The following CENPP variants were observed in gnomAD, a reference collection of about 807,000 sequenced individuals.
CENPP encodes the protein centromere protein P.
Under a neutral mutation model 35.6 loss-of-function variants are expected in CENPP, and 24 were observed. The ratio of observed to expected loss-of-function variants is 0.67; its 90% confidence interval spans 0.49 to 0.95. The LOEUF (loss-of-function observed/expected upper bound fraction) is 0.95. CENPP is among the 40% of genes least tolerant of loss of function. CENPP has a pLI of 0.00. For synonymous variants in CENPP, 120 were observed against 125.5 expected (o/e 0.96, Z 0.29); for missense variants, 332 against 345.3 (o/e 0.96, Z 0.31).
intron 5 of CENPP, among the ~76,000 whole-genome samples, chr9:92,605,645 A>G (rs1018049852): frequency 6.6e-6 from 1 of 152,196 alleles, no homozygotes; most frequent in Non-Finnish European, 1.5e-5. Flanking sequence ...ATAAAAATTA[A>G]CTCAAAATGG....
chr9:92,511,212 G>A (rs564221514), intron 5 of CENPP, among the ~76,000 whole-genome samples: 110 of 152,040 alleles, frequency 7.2e-4, no homozygotes, highest in African/African-American at 2.6e-3. Context: ...TGCAACCTCC[G>A]CCTCCCGAAT....
intron 5 of CENPP, among the ~76,000 whole-genome samples, chr9:92,548,960 G>A (rs972091824): frequency 6.6e-5 from 10 of 152,168 alleles, no homozygotes; most frequent in African/African-American, 2.4e-4. Flanking sequence ...GAAGAACAAG[G>A]CTATAAGACT....
chr9:92,532,162 G>A (rs1303453541), intron 5 of CENPP, among the ~76,000 whole-genome samples: 4 of 150,748 alleles, frequency 2.7e-5, no homozygotes, highest in South Asian at 4.2e-4. Context: ...CACCCGGCTC[G>A]AAGATACAAT....
intron 5 of CENPP, among the ~76,000 whole-genome samples, chr9:92,388,582 T>C (rs1456025646): frequency 6.6e-6 from 1 of 151,530 alleles, no homozygotes; most frequent in Non-Finnish European, 1.5e-5. Flanking sequence ...GGCTTACGCC[T>C]GTAATCCTAG....
chr9:92,578,069 A>G lies in CENPP; in HGVS notation c.565-33245A>G, dbSNP rs937097954. Among the ~76,000 whole-genome samples the G allele has an allele frequency of 3.3e-5, 5 of 151,458 alleles. No homozygotes were observed. The East Asian group carries it at 5.8e-4, about 18-fold the overall frequency. The stretch of plus-strand genomic sequence containing the variant: ...GCAGTGTTTGGTTTTTTGTTCTTGC[A>G]ATAGTTTACTGAGAATGATTATTTC... On this transcript the variant is annotated intron_variant, in intron 5 of 7. Coordinates refer to ENST00000375587, the MANE Select transcript of CENPP (RefSeq NM_001012267.3).
At chr9:92,592,712 G>C (rs910255322) in intron 5 of CENPP, among the ~76,000 whole-genome samples, 12 of 152,274 alleles carry the variant, frequency 7.9e-5, no homozygotes, top group East Asian at 1.9e-4. Context: ...AGCTGTACCA[G>C]TTCACACTCT....
intron 5 of CENPP, among the ~76,000 whole-genome samples, chr9:92,410,681 T>C (rs1262885669): frequency 6.6e-6 from 1 of 152,218 alleles, no homozygotes; most frequent in Non-Finnish European, 1.5e-5. Context: ...TACTCTGTTT[T>C]GTGTGCCAGG....
upstream of CENPP, chr9:92,325,709 C>T (rs932700258): frequency 2.7e-6 from 1 of 370,316 alleles, no homozygotes. Context: ...GGGTGAGCAG[C>T]GGAGCGCTTG....
intron 5 of CENPP, chr9:92,403,195 A>T: frequency 7.4e-7 from 1 of 1,358,070 alleles, no homozygotes; most frequent in Non-Finnish European, 1.0e-6. Context: ...TTAAATGGGC[A>T]GTATTTTAGA....
intron 5 of CENPP, among the ~76,000 whole-genome samples, chr9:92,585,420 A>G (rs573464329): frequency 1.3e-5 from 2 of 152,286 alleles, no homozygotes; most frequent in East Asian, 3.9e-4. Context: ...GTTGATGAGA[A>G]TTTGAGTGGT....
chr9:92,515,113 A>G, intron 5 of CENPP: 1 of 1,613,888 alleles, frequency 6.2e-7, no homozygotes, highest in Non-Finnish European at 8.5e-7. Flanking sequence ...TTGCTTATGA[A>G]GTAAATTGGT....
intron 5 of CENPP, chr9:92,523,022 A>G (rs1323830346): frequency 2.3e-6 from 2 of 862,166 alleles, no homozygotes; most frequent in African/African-American, 3.5e-5. Context: ...TATGGACTAT[A>G]TGCTATAGTA....
At position 92,524,318 on chromosome 9, in the gene CENPP, A is replaced by G. The variant is rs373114374; in HGVS notation, c.565-86996A>G. On this transcript the variant is annotated intron_variant, in intron 5 of 7. Coordinates refer to ENST00000375587, the MANE Select transcript of CENPP (RefSeq NM_001012267.3). ...TCAGGGTTAGTATAGGGCCTTGCAC[A>G]TGGTAAAGCTGAAAAACATTTAAGA... Among the ~76,000 whole-genome samples, 3 of 152,302 alleles carry G rather than the reference A, an allele frequency of 2.0e-5. No homozygotes were observed. The East Asian group carries it at 5.8e-4, about 29-fold the overall frequency.
chr9:92,376,795 C>T (rs1842134727), intron 4 of CENPP, among the ~76,000 whole-genome samples: 1 of 151,968 alleles, frequency 6.6e-6, no homozygotes, highest in African/African-American at 2.4e-5. Flanking sequence ...AATCCCAGCA[C>T]TTTGGGAGGC....
chr9:92,398,260 G>A (rs1035121647), intron 5 of CENPP, among the ~76,000 whole-genome samples: 1 of 152,078 alleles, frequency 6.6e-6, no homozygotes, highest in Non-Finnish European at 1.5e-5. Flanking sequence ...GCACAATCAA[G>A]TTTATGTTTT....
At chr9:92,431,168 A>C (rs934051754) in intron 5 of CENPP, among the ~76,000 whole-genome samples, 5 of 152,196 alleles carry the variant, frequency 3.3e-5, no homozygotes, top group Non-Finnish European at 7.3e-5. Flanking sequence ...AGTGCTTGTT[A>C]AGTATGAGAT....
intron 5 of CENPP, among the ~76,000 whole-genome samples, chr9:92,560,187 C>A (rs1023870006): frequency 2.6e-5 from 4 of 152,072 alleles, no homozygotes; most frequent in African/African-American, 9.7e-5. Context: ...AAAACGTAAT[C>A]CGTCATAGTC....
chr9:92,525,882 G>A (rs1848367523), intron 5 of CENPP, among the ~76,000 whole-genome samples: 1 of 115,698 alleles, frequency 8.6e-6, no homozygotes, highest in Admixed American at 1.2e-4. Context: ...AGTGCAGAGA[G>A]ACTCTATCTC....
Position 92,620,043 on chromosome 9 carries a change from C to G in CENPP, c.*6894C>G, listed in dbSNP as rs536598760. 5.8e-6 allele frequency: 1 copy of G among 172,460 alleles called. No individual in the cohort carries two copies. The highest frequency in any genetic ancestry group is 1.3e-5 in the Non-Finnish European group (1 of 78,506). The allele number at this position is 172,460 out of a possible 1,614,324, so 10.7% of individuals were successfully genotyped here. On this transcript the variant is annotated 3_prime_UTR_variant, in exon 8 of 8. Coordinates refer to ENST00000375587, the MANE Select transcript of CENPP (RefSeq NM_001012267.3). ...AACATCATACAGCCACCAGAGACAACGGCAGACGGCCACCCTTCTACAGGC... is the reference window on the plus strand; with the variant it reads ...AACATCATACAGCCACCAGAGACAAGGGCAGACGGCCACCCTTCTACAGGC...
Sources: allele counts gnomAD v4.1 joint callset (sites outside exome capture counted in the v4.1 genomes callset), GRCh38; gene constraint gnomAD v4.1.1; transcripts MANE v1.5; gene names NCBI Gene and HGNC (gene_info 2026-07-23, HGNC 2026-07-21).